The following LEMD3 variants were observed in gnomAD, a reference collection of about 807,000 sequenced individuals.
LEMD3 encodes LEM domain containing 3.
A neutral mutation model predicts 95.2 loss-of-function variants in LEMD3; 33 were observed. The observed-to-expected ratio is 0.35, with a 90% confidence interval of 0.26 to 0.46. The LOEUF (loss-of-function observed/expected upper bound fraction) is 0.46. LEMD3 is among the 20% of genes least tolerant of loss of function. The pLI is 1.00. For synonymous variants in LEMD3, 525 were observed against 474.6 expected (o/e 1.11, Z -1.38); for missense variants, 1,210 against 1,192.8 (o/e 1.01, Z -0.21).
At chr12:65,237,310 C>T (rs1169629161) in intron 4 of LEMD3, among the ~76,000 whole-genome samples, 1 of 152,118 alleles carries the variant, frequency 6.6e-6, no homozygotes, top group Non-Finnish European at 1.5e-5. Flanking sequence ...TTTATTCAAT[C>T]TGTCATGATG....
intron 1 of LEMD3, among the ~76,000 whole-genome samples, chr12:65,206,172 G>T (rs1221709305): frequency 2.0e-5 from 3 of 152,086 alleles, no homozygotes; most frequent in Non-Finnish European, 4.4e-5. Flanking sequence ...ATAAAATTAT[G>T]CTGTGCTTAG....
intron 4 of LEMD3, among the ~76,000 whole-genome samples, chr12:65,224,485 G>A (rs1482360725): frequency 6.6e-6 from 1 of 152,032 alleles, no homozygotes; most frequent in Non-Finnish European, 1.5e-5. Context: ...ATTTTTAATA[G>A]TACGATGTAC....
rs1375762532 is a variant in LEMD3, at chr12:65,216,030, G to A, written c.1614G>A (p.Leu538=). ...CATTATATAAGCTTCATGATCGATT[G>A]GCACAGCTTGCAGGTAATTGTTTTA... The part of the protein sequence containing the change: ...MNTLYKLHDR[L]AQLAGDHECG... Residue 538 remains leucine (L), a synonymous_variant, in exon 3 of 13, where the codon TTG becomes TTA. Coordinates refer to ENST00000308330, the MANE Select transcript of LEMD3 (RefSeq NM_014319.5). 1 of 1,591,834 alleles carries A rather than the reference G, an allele frequency of 6.3e-7. No individual in the cohort carries two copies. Among genetic ancestry groups the A allele is most frequent in the East Asian group, 2.3e-5 (1 of 44,416 alleles).
intron 4 of LEMD3, among the ~76,000 whole-genome samples, chr12:65,220,413 G>T (rs1870247799): frequency 6.6e-6 from 1 of 151,952 alleles, no homozygotes; most frequent in African/African-American, 2.4e-5. Context: ...TTTTAAGTTG[G>T]GTTATTTATT....
chr12:65,239,192 TATC>T (rs1226099536), intron 6 of LEMD3, among the ~76,000 whole-genome samples: 1 of 152,206 alleles, frequency 6.6e-6, no homozygotes, highest in African/African-American at 2.4e-5. Flanking sequence ...TTAAAATTTT[TATC>T]ATTTTTTAAT....
intron 1 of LEMD3, among the ~76,000 whole-genome samples, chr12:65,195,997 G>A (rs1869419237): frequency 1.3e-5 from 2 of 152,020 alleles, no homozygotes; most frequent in Admixed American, 1.3e-4. Context: ...AATTTCTGGG[G>A]GTTTTCCTTT....
intron 1 of LEMD3, among the ~76,000 whole-genome samples, chr12:65,184,509 T>G (rs1357900199): frequency 6.6e-6 from 1 of 152,196 alleles, no homozygotes; most frequent in East Asian, 1.9e-4. Context: ...CTTTTAGTGT[T>G]TTCTCTTATA....
At chr12:65,238,896 C>A in intron 6 of LEMD3, 82 bp downstream of exon 6, 1 of 1,379,686 alleles carries the variant, frequency 7.2e-7, no homozygotes, top group South Asian at 1.2e-5. Context: ...GTTGAGAATT[C>A]ATTTTTGTGA....
intron 9 of LEMD3, 121 bp downstream of exon 9, chr12:65,241,208 C>T (rs1248953726): frequency 8.6e-6 from 7 of 817,556 alleles, no homozygotes; most frequent in Non-Finnish European, 1.4e-5. Context: ...CGTTCTGTTT[C>T]GTAGAAGGAA....
chr12:65,240,858 A>T, intron 8 of LEMD3, 51 bp from the exon 9 acceptor site: 1 of 1,527,040 alleles, frequency 6.5e-7, no homozygotes, highest in Non-Finnish European at 9.1e-7. Context: ...ATATTTCAAA[A>T]AGATGACAAG....
chr12:65,173,533 C>T (rs1009373303), intron 1 of LEMD3, among the ~76,000 whole-genome samples: 1 of 152,148 alleles, frequency 6.6e-6, no homozygotes, highest in African/African-American at 2.4e-5. Context: ...ATCTCTGAGC[C>T]TCATTTTTAT....
chr12:65,176,466 T>A (rs1046033353), intron 1 of LEMD3, among the ~76,000 whole-genome samples: 4 of 152,212 alleles, frequency 2.6e-5, no homozygotes, highest in African/African-American at 9.6e-5. Flanking sequence ...TGACTCTCCA[T>A]CTTTTTACCC....
chr12:65,231,546 G>T (rs1870629847), intron 4 of LEMD3, among the ~76,000 whole-genome samples: 1 of 151,996 alleles, frequency 6.6e-6, no homozygotes, highest in Admixed American at 6.6e-5. Flanking sequence ...AAATAGCTAG[G>T]TGTGGTGGCA....
chr12:65,218,414 G>A (rs555344439), intron 3 of LEMD3, 138 bp from the exon 4 acceptor site: 1 of 471,026 alleles, frequency 2.1e-6, no homozygotes, highest in East Asian at 3.9e-5. Flanking sequence ...AAATAATATT[G>A]TTCATGTTCT....
intron 4 of LEMD3, among the ~76,000 whole-genome samples, chr12:65,224,427 G>C (rs987785969): frequency 6.6e-6 from 1 of 152,044 alleles, no homozygotes; most frequent in Non-Finnish European, 1.5e-5. Flanking sequence ...GTCAACTATG[G>C]TCTGAAAATA....
intron 1 of LEMD3, among the ~76,000 whole-genome samples, chr12:65,199,994 CT>C (rs1486976211): frequency 6.6e-6 from 1 of 151,608 alleles, no homozygotes; most frequent in Non-Finnish European, 1.5e-5. Context: ...AAAACCCCAA[CT>C]TTCCATGCCC....
At chr12:65,227,263 T>C (rs1870478736) in intron 4 of LEMD3, among the ~76,000 whole-genome samples, 1 of 152,214 alleles carries the variant, frequency 6.6e-6, no homozygotes, top group Admixed American at 6.5e-5. Context: ...AGTAGGACTA[T>C]CTTATCCCAT....
intron 1 of LEMD3, among the ~76,000 whole-genome samples, chr12:65,179,478 T>G (rs186389432): frequency 9.2e-4 from 140 of 152,280 alleles, no homozygotes; most frequent in Middle Eastern, 3.4e-3. Context: ...AATTATATAG[T>G]TTGTAAGTTG....
Position 65,204,794 on chromosome 12 carries a change from A to T in LEMD3, c.1523-6132A>T, listed in dbSNP as rs569078218. On this transcript the variant is annotated intron_variant, in intron 1 of 12. Coordinates refer to ENST00000308330, the MANE Select transcript of LEMD3 (RefSeq NM_014319.5). Reference sequence around the variant, plus strand: ...ACACCTCGCCAGAATATACTTCATAAGGACTTGTTGAAAAACCTGTGGTTA... The same window carrying T: ...ACACCTCGCCAGAATATACTTCATATGGACTTGTTGAAAAACCTGTGGTTA... 3.3e-5 allele frequency among the ~76,000 whole-genome samples: 5 copies of T among 152,264 alleles called. No homozygotes were observed. In the East Asian group the frequency reaches 9.7e-4, roughly 29 times the overall value.
Sources: gnomAD v4.1 joint callset for allele counts (sites outside exome capture counted in the v4.1 genomes callset) on GRCh38, gnomAD v4.1.1 for gene constraint, MANE v1.5 for transcripts, NCBI Gene and HGNC (gene_info 2026-07-23, HGNC 2026-07-21) for gene names.